The following ADGRE2 variants were observed in gnomAD, a reference collection of about 807,000 sequenced individuals.
The protein encoded by ADGRE2 is CD97 antigen.
A neutral mutation model predicts 100.8 loss-of-function variants in ADGRE2; 83 were observed. That is an observed-to-expected ratio of 0.82 (90% CI 0.69 to 0.99). The LOEUF is 0.99. Ranked by LOEUF, ADGRE2 falls within the 50% of genes least tolerant of loss-of-function variation. The probability of loss-of-function intolerance (pLI) is 0.00; values close to 1 mark genes in which losing one functional copy is unlikely to be tolerated. For synonymous variants in ADGRE2, 355 were observed against 413.0 expected (o/e 0.86, Z 1.70); for missense variants, 814 against 1,035.7 (o/e 0.79, Z 2.94).
At chr19:14,743,846 A>G in intron 18 of ADGRE2, 62 bp from the exon 19 acceptor site, 1 of 1,503,908 alleles carries the variant, frequency 6.6e-7, no homozygotes, top group Non-Finnish European at 9.2e-7. Context: ...AGGCTATTTC[A>G]TCTGTGCCCA....
At chr19:14,731,285 C>T, downstream of ADGRE2, 15 of 1,192,618 alleles carry the variant, frequency 1.3e-5, no homozygotes, top group Non-Finnish European at 1.8e-5. Context: ...TTGAAGACTC[C>T]AAATCTGCAG....
intron 11 of ADGRE2, among the ~76,000 whole-genome samples, chr19:14,762,971 A>G (rs1039063971): frequency 1.3e-5 from 2 of 152,224 alleles, no homozygotes; most frequent in Non-Finnish European, 2.9e-5. Context: ...CAGACACTTT[A>G]AAGTGGTGAA....
chr19:14,726,985 A>G, the ADGRE2 span, among the ~76,000 whole-genome samples: 1 of 150,930 alleles, frequency 6.6e-6, no homozygotes, highest in Non-Finnish European at 1.5e-5. Flanking sequence ...GTTGCTATAA[A>G]GGAATACCTG....
intron 4 of ADGRE2, among the ~76,000 whole-genome samples, chr19:14,773,481 G>A (rs2044300777): frequency 6.9e-6 from 1 of 145,526 alleles, no homozygotes; most frequent in Admixed American, 7.0e-5. Flanking sequence ...TGGGATTACA[G>A]GCATGAGCCA....
At chr19:14,736,305 G>A in intron 20 of ADGRE2, 61 bp from the exon 21 acceptor site, 1 of 1,160,898 alleles carries the variant, frequency 8.6e-7, no homozygotes, top group Middle Eastern at 2.0e-4. Flanking sequence ...CTTGTTGCCT[G>A]GGCTGGAGTG....
At chr19:14,771,317 T>C (rs548880743) in intron 5 of ADGRE2, among the ~76,000 whole-genome samples, 11 of 152,270 alleles carry the variant, frequency 7.2e-5, no homozygotes, top group African/African-American at 2.6e-4. Context: ...TTGCTCACCT[T>C]CCCTTCCCAC....
In ADGRE2 at chr19:14,743,731, C is replaced by T. The variant is rs776742519; in HGVS notation, c.2237G>A (p.Cys746Tyr). ...CGGACCCACCTGCAAGATGCCCAGA[C>T]ACCACGTGCAGCCCAGGATGAACAG... is the stretch of plus-strand genomic sequence containing the variant. Reference protein sequence around the residue: ...AQLFILGCTWCLGILQVGPAA... With the variant: ...AQLFILGCTWYLGILQVGPAA... The change falls in exon 19 of 21, where the codon TGT (cysteine) becomes TAT (tyrosine). Residue 746 changes from cysteine to tyrosine, a missense_variant. Transcript: ENST00000315576. The T allele has an allele frequency of 9.3e-6, 15 of 1,614,070 alleles. No individual in the cohort carries two copies. In the South Asian group the frequency reaches 1.3e-4, roughly 14 times the overall value.
In ADGRE2 at chr19:14,733,071, C is replaced by T. The variant is rs547548718; in HGVS notation, c.*3165G>A. The T allele has an allele frequency of 4.7e-4, 72 of 152,336 alleles. No individual in the cohort carries two copies. Among genetic ancestry groups the T allele is most frequent in the African/African-American group, 1.7e-3 (71 of 41,548 alleles). 9.4% of individuals were successfully genotyped at this position (152,336 alleles called of 1,614,324 possible). A position where few individuals can be genotyped will look rare whatever the true frequency, so the allele number is the denominator to read the frequency against. On this transcript the variant is annotated 3_prime_UTR_variant, in exon 21 of 21. Transcript: ENST00000315576. Reference sequence around the variant, plus strand: ...TCAAGCAGCAGCTGACTCTGATATTCCCCATCTCACCTTAGCAGTCTATAT... The same window carrying T: ...TCAAGCAGCAGCTGACTCTGATATTTCCCATCTCACCTTAGCAGTCTATAT...
At chr19:14,728,865 G>T (rs1004688388), downstream of ADGRE2, among the ~76,000 whole-genome samples, 2 of 152,168 alleles carry the variant, frequency 1.3e-5, no homozygotes, top group African/African-American at 2.4e-5. Flanking sequence ...AGGCCAGGGG[G>T]GTTTTATATC....
intron 1 of ADGRE2, among the ~76,000 whole-genome samples, chr19:14,777,543 G>A (rs1469557899): frequency 6.6e-6 from 1 of 151,776 alleles, no homozygotes; most frequent in Non-Finnish European, 1.5e-5. Context: ...TGTGCACAAC[G>A]AGCAGGTTTG....
Position 14,755,681 on chromosome 19 carries a change from G to A in ADGRE2, c.1389C>T (p.Ser463=). Residue 463 remains serine (S), a synonymous_variant, in exon 13 of 21, where the codon TCC becomes TCT. Coordinates refer to ENST00000315576, the MANE Select transcript of ADGRE2 (RefSeq NM_013447.4). ...GGTGGGAGAAGGTGAAGGTAACTGG[G>A]GAGCTGAGGTTTTGGGTGTCGTTGT... ...LSNNDTQNLS[S]PVTFTFSHRS... 2 of 1,614,180 alleles carry A rather than the reference G, an allele frequency of 1.2e-6. No homozygotes were observed. Among genetic ancestry groups the A allele is most frequent in the Non-Finnish European group, 1.7e-6 (2 of 1,180,042 alleles).
intron 18 of ADGRE2, among the ~76,000 whole-genome samples, chr19:14,744,742 A>C (rs189292477): frequency 6.6e-6 from 1 of 152,248 alleles, no homozygotes; most frequent in Non-Finnish European, 1.5e-5. Context: ...GGCGTGAGCC[A>C]CCATGCCTGG....
Position 14,764,549 on chromosome 19 carries a change from C to T in ADGRE2, c.968G>A (p.Arg323His), listed in dbSNP as rs780886482. The change falls in exon 11 of 21, where the codon CGC (arginine) becomes CAC (histidine). Residue 323 changes from arginine (R) to histidine (H), a missense_variant. Physicochemically the swap from Arg to His is conservative, Grantham distance 29 (BLOSUM62 0). Transcript: ENST00000315576. ...ACTGGCCACACAGTGCTGCTGTAAG[C>T]GGGGCAGGGTCTCCAGGTCCCCAGG... is the stretch of plus-strand genomic sequence containing the variant. ...EAPGDLETLPRLQQHCVASHL... is the reference protein window; with the variant it reads ...EAPGDLETLPHLQQHCVASHL... 1.2e-5 allele frequency: 20 copies of T among 1,612,792 alleles called. No individual in the cohort carries two copies. The highest frequency in any genetic ancestry group is 1.6e-4 in the Middle Eastern group (1 of 6,080).
chr19:14,755,178 A>G (rs777145326), intron 13 of ADGRE2, 51 bp from the exon 14 acceptor site: 20 of 1,579,398 alleles, frequency 1.3e-5, no homozygotes, highest in Admixed American at 1.2e-4. Context: ...TCACGCCTGT[A>G]ATCCCAGCAC....
chr19:14,763,454 C>A (rs2043804685), intron 11 of ADGRE2, among the ~76,000 whole-genome samples: 4 of 151,970 alleles, frequency 2.6e-5, no homozygotes, highest in Admixed American at 2.6e-4. Flanking sequence ...AAATTGTTCT[C>A]TTTTGAAGTG....
chr19:14,765,914 G>T, intron 7 of ADGRE2, 110 bp from the exon 8 acceptor site: 1 of 1,582,596 alleles, frequency 6.3e-7, no homozygotes, highest in Non-Finnish European at 8.7e-7. Context: ...CCTTGGAGAG[G>T]TGGACGCTGG....
chr19:14,748,098 T>C (rs548025491), intron 16 of ADGRE2, among the ~76,000 whole-genome samples: 22 of 152,232 alleles, frequency 1.4e-4, no homozygotes, highest in African/African-American at 5.3e-4. Flanking sequence ...CACAGTACTC[T>C]ATAGGTCGTT....
At chr19:14,774,764 C>A (rs1043801618) in intron 2 of ADGRE2, among the ~76,000 whole-genome samples, 9 of 148,532 alleles carry the variant, frequency 6.1e-5, no homozygotes, top group Admixed American at 2.1e-4. Flanking sequence ...ATCTCTACCT[C>A]CTGGGTTCAA....
At chr19:14,728,542 A>C (rs1315066532), downstream of ADGRE2, among the ~76,000 whole-genome samples, 2 of 152,188 alleles carry the variant, frequency 1.3e-5, no homozygotes, top group African/African-American at 2.4e-5. Context: ...CATCACTTAT[A>C]AATGTATTCA....
Sources: gnomAD v4.1 joint callset for allele counts (sites outside exome capture counted in the v4.1 genomes callset) on GRCh38, gnomAD v4.1.1 for gene constraint, MANE v1.5 for transcripts, NCBI Gene and HGNC (gene_info 2026-07-23, HGNC 2026-07-21) for gene names.